PRKN: variants seen among roughly 807,000 people sequenced by gnomAD.
The protein encoded by PRKN is E3 ubiquitin-protein ligase parkin.
Under a neutral mutation model 59.5 loss-of-function variants are expected in PRKN, and 56 were observed. That is an observed-to-expected ratio of 0.94 (90% CI 0.76 to 1.18). The LOEUF (loss-of-function observed/expected upper bound fraction) is 1.18. Among genes scored for constraint, PRKN ranks in the 50% most tolerant of loss-of-function variants. The probability of loss-of-function intolerance (pLI) is 0.00; values close to 1 mark genes in which losing one functional copy is unlikely to be tolerated. For synonymous variants in PRKN, 250 were observed against 222.1 expected (o/e 1.13, Z -1.12); for missense variants, 657 against 596.4 (o/e 1.10, Z -1.06).
At chr6:162,534,663 C>G (rs1433481465) in intron 1 of PRKN, among the ~76,000 whole-genome samples, 1 of 152,144 alleles carries the variant, frequency 6.6e-6, no homozygotes, top group Non-Finnish European at 1.5e-5. Context: ...CCATCTCCAG[C>G]CTCAGACAAC....
chr6:162,077,213 C>T (rs968759688), intron 4 of PRKN, among the ~76,000 whole-genome samples: 2 of 152,140 alleles, frequency 1.3e-5, no homozygotes, highest in Non-Finnish European at 2.9e-5. Flanking sequence ...ATAATTACCA[C>T]TGTATTACTG....
At chr6:162,643,135 C>T (rs886486460) in intron 1 of PRKN, among the ~76,000 whole-genome samples, 35 of 152,078 alleles carry the variant, frequency 2.3e-4, no homozygotes, top group African/African-American at 7.2e-5. Flanking sequence ...CGGTGGCTGG[C>T]GCCTGTAATC....
intron 6 of PRKN, among the ~76,000 whole-genome samples, chr6:161,925,610 A>T (rs1778941540): frequency 6.6e-6 from 1 of 152,194 alleles, no homozygotes; most frequent in Non-Finnish European, 1.5e-5. Flanking sequence ...CTATTTATAT[A>T]CAAACTGATA....
intron 7 of PRKN, among the ~76,000 whole-genome samples, chr6:161,573,236 C>A (rs1780962625): frequency 6.6e-6 from 1 of 151,862 alleles, no homozygotes; most frequent in Admixed American, 6.6e-5. Flanking sequence ...GGATCCCAAG[C>A]ACTGCTTTAG....
intron 7 of PRKN, among the ~76,000 whole-genome samples, chr6:161,671,758 G>C (rs1242575477): frequency 6.6e-6 from 1 of 152,170 alleles, no homozygotes; most frequent in Non-Finnish European, 1.5e-5. Context: ...ACTGAAAAGA[G>C]AAGAGACAAA....
chr6:161,398,491 T>C (rs183455776), intron 9 of PRKN, among the ~76,000 whole-genome samples: 1 of 152,154 alleles, frequency 6.6e-6, no homozygotes, highest in South Asian at 2.1e-4. Flanking sequence ...CCGAGTGACT[T>C]GTATGCACCA....
rs376694104 is a variant in PRKN at position 161,430,687 on chromosome 6, C to T, written c.1084-43810G>A. Among the ~76,000 whole-genome samples, 787 of 150,918 alleles carry T rather than the reference C, an allele frequency of 5.2e-3. 9 individuals are homozygous for T. The highest frequency in any genetic ancestry group is 0.018 in the African/African-American group (735 of 41,170). The stretch of plus-strand genomic sequence containing the variant: ...AAAATTAGCCCGGCATAGTGGCGGG[C>T]GCCTGTAGTCCCAGCTACTCGGGAG... On this transcript the variant is annotated intron_variant, in intron 9 of 11. Coordinates refer to ENST00000366898, the MANE Select transcript of PRKN (RefSeq NM_004562.3).
chr6:162,607,235 G>A (rs1054605935), intron 1 of PRKN, among the ~76,000 whole-genome samples: 1 of 152,144 alleles, frequency 6.6e-6, no homozygotes, highest in Non-Finnish European at 1.5e-5. Flanking sequence ...GGACATAAAT[G>A]ACATTGGTGA....
chr6:162,217,267 G>C (rs1472719894), intron 3 of PRKN, among the ~76,000 whole-genome samples: 1 of 152,126 alleles, frequency 6.6e-6, no homozygotes, highest in Non-Finnish European at 1.5e-5. Flanking sequence ...TACAGCCTCT[G>C]TGTGGGGGTA....
Position 161,974,077 on chromosome 6 carries a change from G to T in PRKN, c.619-660C>A, listed in dbSNP as rs536957571. On this transcript the variant is annotated intron_variant, in intron 5 of 11. Transcript: ENST00000366898. ...GGGTCAGGAGTTCGAGACCAGCCTGGCCAATGTGGCGAAACCCCATCTCTA... is the reference window on the plus strand; with the variant it reads ...GGGTCAGGAGTTCGAGACCAGCCTGTCCAATGTGGCGAAACCCCATCTCTA... 3.3e-5 allele frequency among the ~76,000 whole-genome samples: 5 copies of T among 152,312 alleles called. No homozygotes were observed. The South Asian group carries it at 1.0e-3, about 32-fold the overall frequency.
chr6:162,448,408 T>G (rs1410179753), intron 1 of PRKN, among the ~76,000 whole-genome samples: 1 of 152,114 alleles, frequency 6.6e-6, no homozygotes, highest in Non-Finnish European at 1.5e-5. Flanking sequence ...TTTCTTTATT[T>G]TATACTCTTC....
intron 2 of PRKN, among the ~76,000 whole-genome samples, chr6:162,348,207 G>A (rs529062976): frequency 2.0e-5 from 3 of 152,306 alleles, no homozygotes; most frequent in African/African-American, 7.2e-5. Flanking sequence ...AGAGCATTGA[G>A]TAGAATACAC....
intron 7 of PRKN, among the ~76,000 whole-genome samples, chr6:161,646,390 C>A (rs908997461): frequency 3.5e-5 from 4 of 115,142 alleles, no homozygotes; most frequent in African/African-American, 1.3e-4. Flanking sequence ...CGTGTGCGTG[C>A]GTGGCGGAGG....
intron 3 of PRKN, among the ~76,000 whole-genome samples, chr6:162,206,124 G>A (rs1205262760): frequency 1.3e-5 from 2 of 152,032 alleles, no homozygotes; most frequent in African/African-American, 4.8e-5. Context: ...AAAGGTTCTC[G>A]CCATCATGTG....
chr6:161,532,493 C>CT (rs574204971), intron 9 of PRKN, among the ~76,000 whole-genome samples: 8 of 148,298 alleles, frequency 5.4e-5, no homozygotes, highest in Non-Finnish European at 1.2e-4. Context: ...ACTCCATACT[C>CT]TATCTCTTCC....
chr6:161,802,373 C>G (rs1178833091), intron 6 of PRKN, among the ~76,000 whole-genome samples: 1 of 151,834 alleles, frequency 6.6e-6, no homozygotes, highest in Non-Finnish European at 1.5e-5. Context: ...CTCTGTGACC[C>G]TCCCCACACA....
intron 5 of PRKN, among the ~76,000 whole-genome samples, chr6:161,988,183 T>A (rs906326336): frequency 1.5e-4 from 22 of 150,800 alleles, no homozygotes; most frequent in African/African-American, 3.4e-4. Context: ...GGAAAAAAAA[T>A]TTTTTTTTTA....
At position 161,548,904 on chromosome 6, in the gene PRKN, G is replaced by C. The variant is rs1320439103; in HGVS notation, c.1033C>G (p.Pro345Ala). 1.2e-6 allele frequency: 2 copies of C among 1,614,138 alleles called. No individual in the cohort carries two copies. Among genetic ancestry groups the C allele is most frequent in the African/African-American group, 1.3e-5 (1 of 75,048 alleles). The change falls in exon 9 of 12, where the codon CCT becomes GCT. Residue 345 changes from proline (P) to alanine (A), a missense_variant. Coordinates refer to ENST00000366898, the MANE Select transcript of PRKN (RefSeq NM_004562.3). The surrounding 1 kb of genome is among the most constrained non-coding windows in gnomAD (Gnocchi z 4.2). ...PGCGAGLLPE[P>A]DQRKVTCEGG... ...TCGCAGGTGACTTTCCTCTGGTCAG[G>C]CTCCGGCAGCAGCCCCGCTCCACAG...
intron 7 of PRKN, among the ~76,000 whole-genome samples, chr6:161,728,557 A>C (rs1007361880): frequency 3.3e-5 from 5 of 152,200 alleles, no homozygotes; most frequent in African/African-American, 1.2e-4. Flanking sequence ...TTTGGGGGGA[A>C]AATATTGTTT....
Sources: allele counts gnomAD v4.1 joint callset (sites outside exome capture counted in the v4.1 genomes callset), GRCh38; gene constraint gnomAD v4.1.1; non-coding constraint Gnocchi (gnomAD v3.1); transcripts MANE v1.5; gene names NCBI Gene and HGNC (gene_info 2026-07-23, HGNC 2026-07-21).